CIT: variants seen among roughly 807,000 people sequenced by gnomAD.
CIT encodes the protein citron rho-interacting serine/threonine kinase.
A neutral mutation model predicts 272.7 loss-of-function variants in CIT; 79 were observed. That is an observed-to-expected ratio of 0.29 (90% CI 0.24 to 0.35). CIT has a LOEUF of 0.35. Among genes scored for constraint, CIT ranks in the 10% least tolerant of loss-of-function variants. The pLI, the probability that CIT is intolerant of heterozygous loss-of-function variation, is 1.00. For synonymous variants in CIT, 948 were observed against 995.6 expected (o/e 0.95, Z 0.90); for missense variants, 1,909 against 2,618.3 (o/e 0.73, Z 5.91).
intron 13 of CIT, among the ~76,000 whole-genome samples, chr12:119,781,669 G>GAA (rs34594062): frequency 0.45 from 67,890 of 151,522 alleles, 15,672 homozygotes; most frequent in Admixed American, 0.56. Context: ...CGTTTAGAAA[G>GAA]AAAAAAAAGA....
chr12:119,815,435 G>A (rs527689653), intron 9 of CIT, among the ~76,000 whole-genome samples: 13 of 152,074 alleles, frequency 8.5e-5, no homozygotes, highest in African/African-American at 2.9e-4. Flanking sequence ...GGCCAGGTGC[G>A]GTGGCTCACG....
chr12:119,867,578 T>C (rs73418594), intron 3 of CIT, among the ~76,000 whole-genome samples: 12,584 of 152,204 alleles, frequency 0.083, 1,085 homozygotes, highest in African/African-American at 0.22. Context: ...TTCAGCACTG[T>C]TGGCATTGTG....
intron 5 of CIT, among the ~76,000 whole-genome samples, chr12:119,849,397 A>G (rs1250810855): frequency 6.6e-6 from 1 of 152,160 alleles, no homozygotes; most frequent in African/African-American, 2.4e-5. Flanking sequence ...ACCGCACTCC[A>G]GCCTGGGTGA....
chr12:119,853,878 T>A (rs114779663), intron 4 of CIT, among the ~76,000 whole-genome samples: 1,613 of 151,910 alleles, frequency 0.011, 29 homozygotes, highest in African/African-American at 0.038. Context: ...ACAAAAAAAA[T>A]TAAAAATAAA....
chr12:119,801,798 C>T (rs546550446), intron 10 of CIT, among the ~76,000 whole-genome samples: 3 of 152,218 alleles, frequency 2.0e-5, no homozygotes, highest in Admixed American at 1.3e-4. Context: ...CTGCCTCTCC[C>T]ACCACCATCC....
chr12:119,798,070 C>G (rs1038900571), intron 10 of CIT, among the ~76,000 whole-genome samples: 3 of 151,994 alleles, frequency 2.0e-5, no homozygotes, highest in Admixed American at 2.0e-4. Context: ...AGTATATACG[C>G]GTGGGTTTAT....
At chr12:119,720,059 A>G (rs1957746700) in intron 30 of CIT, among the ~76,000 whole-genome samples, 2 of 152,152 alleles carry the variant, frequency 1.3e-5, no homozygotes, top group Admixed American at 1.3e-4. Flanking sequence ...GATCACTGTT[A>G]AAGTCCTTTC....
chr12:119,809,647 G>A (rs61053493), intron 9 of CIT, among the ~76,000 whole-genome samples: 2,780 of 152,242 alleles, frequency 0.018, 84 homozygotes, highest in African/African-American at 0.062. Context: ...CTGACTTGGA[G>A]CTGGCCATAA....
intron 10 of CIT, among the ~76,000 whole-genome samples, chr12:119,798,414 C>T (rs1038933482): frequency 9.9e-5 from 15 of 152,174 alleles, no homozygotes; most frequent in South Asian, 2.1e-4. Context: ...GATCTCCCCA[C>T]GCCTCAGTTT....
chr12:119,728,372 G>A lies in CIT; in HGVS notation c.3591+130C>T. The A allele has an allele frequency of 1.5e-6, 1 of 659,284 alleles. No individual in the cohort carries two copies. The highest frequency in any genetic ancestry group is 1.8e-5 in the South Asian group (1 of 55,624). The allele number at this position is 659,284 out of a possible 1,614,324, so 40.8% of individuals were successfully genotyped here. Reference sequence around the variant, plus strand: ...GGGACACTGTGGGAGGAGGAGACAGGGAGTATGTGGGAACTCTCTGTGCTT... The same window carrying A: ...GGGACACTGTGGGAGGAGGAGACAGAGAGTATGTGGGAACTCTCTGTGCTT... On this transcript the variant is annotated intron_variant, in intron 28 of 47. Coordinates refer to ENST00000392521, the MANE Select transcript of CIT (RefSeq NM_001206999.2). The surrounding 1 kb of genome is among the most constrained non-coding windows in gnomAD (Gnocchi z 4.3).
chr12:119,793,479 T>C (rs928478878), intron 10 of CIT, among the ~76,000 whole-genome samples: 1 of 152,232 alleles, frequency 6.6e-6, no homozygotes, highest in Admixed American at 6.5e-5. Flanking sequence ...AAGACCCAGA[T>C]ATTCCATGAC....
At chr12:119,836,929 C>CTGAATGAACTGAA (rs1969059987) in intron 5 of CIT, among the ~76,000 whole-genome samples, 1 of 152,202 alleles carries the variant, frequency 6.6e-6, no homozygotes, top group Non-Finnish European at 1.5e-5. Context: ...ATCCAACTTC[C>CTGAATGAACTGAA]TGAACTGAAA....
At chr12:119,700,871 G>A in intron 43 of CIT, 46 bp from the exon 44 acceptor site, 2 of 1,486,224 alleles carry the variant, frequency 1.3e-6, no homozygotes, top group Non-Finnish European at 1.9e-6. Flanking sequence ...GCCAAGAGCA[G>A]GGGCATCAGC....
rs563214096 is a variant in CIT at position 119,733,149 on chromosome 12, TG to T, written c.3350+1014del. On this transcript the variant is annotated intron_variant, in intron 26 of 47. Transcript: ENST00000392521. Reference sequence around the variant, plus strand: ...GCCCCACAGGAAGGGAAATCTATACTGGGGAACTGTGGAAACAAAAGTGAGA... The same window carrying T: ...GCCCCACAGGAAGGGAAATCTATACTGGGAACTGTGGAAACAAAAGTGAGA... Among the ~76,000 whole-genome samples the T allele has an allele frequency of 1.9e-4, 29 of 151,556 alleles. No homozygotes were observed. The South Asian group carries it at 4.0e-3, about 21-fold the overall frequency.
chr12:119,689,683 T>TTTTTTTC, intron 47 of CIT, among the ~76,000 whole-genome samples: 1 of 135,516 alleles, frequency 7.4e-6, no homozygotes, highest in Non-Finnish European at 1.6e-5. Flanking sequence ...TTTTTTTTTT[T>TTTTTTTC]TTTTTTTTTT....
intron 5 of CIT, among the ~76,000 whole-genome samples, chr12:119,849,492 T>C (rs1024886092): frequency 1.3e-5 from 2 of 152,192 alleles, no homozygotes; most frequent in African/African-American, 4.8e-5. Context: ...TCTGCAGTGT[T>C]TGCATTTTCT....
chr12:119,832,908 CAGCA>C, intron 6 of CIT, 44 bp from the exon 7 acceptor site: 1 of 1,452,732 alleles, frequency 6.9e-7, no homozygotes, highest in Non-Finnish European at 9.7e-7. Flanking sequence ...CCATCCCAAT[CAGCA>C]AGCAAGTGCT....
At chr12:119,761,739 A>C (rs1160199948) in intron 19 of CIT, among the ~76,000 whole-genome samples, 1 of 152,224 alleles carries the variant, frequency 6.6e-6, no homozygotes, top group African/African-American at 2.4e-5. Context: ...GTCACTGGGA[A>C]AAGAAACCTT....
intron 12 of CIT, 160 bp from the exon 13 acceptor site, chr12:119,782,797 T>G: frequency 1.3e-6 from 1 of 776,960 alleles, no homozygotes; most frequent in South Asian, 2.0e-5. Context: ...CCGGTTTCCA[T>G]CCTGTAAAAC....
Sources: allele counts gnomAD v4.1 joint callset (sites outside exome capture counted in the v4.1 genomes callset), GRCh38; gene constraint gnomAD v4.1.1; non-coding constraint Gnocchi (gnomAD v3.1); transcripts MANE v1.5; gene names NCBI Gene and HGNC (gene_info 2026-07-23, HGNC 2026-07-21).